The following SPAG16 variants were observed in gnomAD, a reference collection of about 807,000 sequenced individuals.
SPAG16 encodes sperm-associated antigen 16 protein.
Under a neutral mutation model 80.4 loss-of-function variants are expected in SPAG16, and 86 were observed. That is an observed-to-expected ratio of 1.07 (90% CI 0.90 to 1.28). SPAG16 has a LOEUF of 1.28. Ranked by LOEUF, SPAG16 falls within the 50% of genes most tolerant of loss-of-function variation. SPAG16 has a pLI of 0.00. For synonymous variants in SPAG16, 294 were observed against 265.9 expected (o/e 1.11, Z -1.03); for missense variants, 870 against 765.3 (o/e 1.14, Z -1.61).
At chr2:213,565,548 C>G (rs542816993) in intron 10 of SPAG16, among the ~76,000 whole-genome samples, 107 of 152,346 alleles carry the variant, frequency 7.0e-4, no homozygotes, top group Middle Eastern at 6.8e-3. Flanking sequence ...CCAGCTGAAG[C>G]TGCTTTTCCC....
rs1021285140 is a variant in SPAG16 at position 213,369,437 on chromosome 2, G to A, written c.832+5292G>A. Among the ~76,000 whole-genome samples, 9 of 152,174 alleles carry A rather than the reference G, an allele frequency of 5.9e-5. No homozygotes were observed. In the South Asian group the frequency reaches 1.9e-3, roughly 32 times the overall value. ...ATAAAGGAAAATAAATTGAGGTGTG[G>A]TGGAAATGTTTTATATCTTAATTTT... is the stretch of plus-strand genomic sequence containing the variant. On this transcript the variant is annotated intron_variant, in intron 8 of 15. Coordinates refer to ENST00000331683, the MANE Select transcript of SPAG16 (RefSeq NM_024532.5).
intron 13 of SPAG16, among the ~76,000 whole-genome samples, chr2:214,015,779 A>C (rs1323060958): frequency 6.6e-6 from 1 of 152,060 alleles, no homozygotes; most frequent in East Asian, 1.9e-4. Flanking sequence ...GAGATGTTCC[A>C]TTCAGTTGGC....
chr2:213,816,126 C>G (rs998055493), intron 10 of SPAG16, among the ~76,000 whole-genome samples: 6 of 152,162 alleles, frequency 3.9e-5, no homozygotes, highest in African/African-American at 1.4e-4. Context: ...CTCCCCATAT[C>G]AAAGGTTCCT....
rs113419989 is a variant in SPAG16 at position 213,842,001 on chromosome 2, A to T, written c.1071-20484A>T. ...TAAATGATTTTTAAATTTGTAACTA[A>T]GCATTTATGTTCATTTCCACAGTCT... On this transcript the variant is annotated intron_variant, in intron 10 of 15. Transcript: ENST00000331683. Among the ~76,000 whole-genome samples the T allele has an allele frequency of 7.7e-4, 118 of 152,286 alleles. 2 individuals are homozygous for T. The highest frequency in any genetic ancestry group is 2.7e-3 in the African/African-American group (111 of 41,588).
At chr2:214,120,433 TTTTTTAC>T (rs2054161515) in intron 14 of SPAG16, among the ~76,000 whole-genome samples, 1 of 151,868 alleles carries the variant, frequency 6.6e-6, no homozygotes, top group Non-Finnish European at 1.5e-5. Flanking sequence ...ATTAATTTCT[TTTTTTAC>T]TTTTTGATCT....
At chr2:213,856,203 C>T (rs982277338) in intron 10 of SPAG16, among the ~76,000 whole-genome samples, 4 of 152,110 alleles carry the variant, frequency 2.6e-5, no homozygotes, top group Admixed American at 6.6e-5. Flanking sequence ...AGTCATTAAA[C>T]GTTAAAATTC....
intron 10 of SPAG16, among the ~76,000 whole-genome samples, chr2:213,766,431 C>T (rs1249789662): frequency 6.6e-6 from 1 of 152,156 alleles, no homozygotes; most frequent in Non-Finnish European, 1.5e-5. Flanking sequence ...AGGTTGGGAG[C>T]TCTATGCAGT....
chr2:214,069,215 G>A (rs916350823), intron 13 of SPAG16, among the ~76,000 whole-genome samples: 3 of 152,112 alleles, frequency 2.0e-5, no homozygotes, highest in African/African-American at 2.4e-5. Flanking sequence ...TAATCATTCC[G>A]ATACGTGTAT....
chr2:213,860,902 T>A (rs1034096593), intron 10 of SPAG16, among the ~76,000 whole-genome samples: 8 of 152,324 alleles, frequency 5.3e-5, no homozygotes, highest in African/African-American at 1.9e-4. Context: ...GGATTCAGTT[T>A]GCCTTCTTGT....
chr2:214,397,450 G>A (rs7588845), intron 15 of SPAG16, among the ~76,000 whole-genome samples: 1,840 of 152,098 alleles, frequency 0.012, 37 homozygotes, highest in African/African-American at 0.042. Flanking sequence ...GAGCCCCCGC[G>A]CCCGGCCATA....
intron 15 of SPAG16, among the ~76,000 whole-genome samples, chr2:214,158,507 A>G (rs2056308842): frequency 6.6e-6 from 1 of 152,028 alleles, no homozygotes; most frequent in Non-Finnish European, 1.5e-5. Flanking sequence ...AAATTCCAAC[A>G]TTTTAATAAA....
rs144743441 is a variant in SPAG16, at chr2:213,938,708, T to G, written c.1400+8563T>G. ...AATTACTGTGGAAACAAATCAAATG[T>G]CCAAGGACATCAAATCAAAATAAAA... On this transcript the variant is annotated intron_variant, in intron 12 of 15. Transcript: ENST00000331683. Among the ~76,000 whole-genome samples, 1,113 of 152,050 alleles carry G rather than the reference T, an allele frequency of 7.3e-3. 22 individuals are homozygous for G. Among genetic ancestry groups the G allele is most frequent in the East Asian group, 0.046 (239 of 5,184 alleles).
intron 10 of SPAG16, among the ~76,000 whole-genome samples, chr2:213,693,432 C>T (rs759453221): frequency 2.5e-4 from 38 of 152,178 alleles, no homozygotes; most frequent in Non-Finnish European, 4.9e-4. Context: ...ATGTTTGCTT[C>T]GTAGACAGAA....
At chr2:214,074,076 C>G (rs2050941561) in intron 13 of SPAG16, among the ~76,000 whole-genome samples, 1 of 152,038 alleles carries the variant, frequency 6.6e-6, no homozygotes, top group Non-Finnish European at 1.5e-5. Flanking sequence ...ATATTAGTGC[C>G]CTTAAAATGG....
chr2:214,385,080 T>TTAGA lies in SPAG16; in HGVS notation c.1721-25056_1721-25053dup, dbSNP rs201616069. The stretch of plus-strand genomic sequence containing the variant: ...AGTCCTGTCATAACACTAATAGTCA[T>TTAGA]TAGATAGGAAGTGAGCATGATGTGC... On this transcript the variant is annotated intron_variant, in intron 15 of 15. Transcript: ENST00000331683. Among the ~76,000 whole-genome samples the TTAGA allele has an allele frequency of 8.2e-3, 1,255 of 152,348 alleles. 9 individuals carry two copies. Among genetic ancestry groups the TTAGA allele is most frequent in the Middle Eastern group, 0.037 (11 of 294 alleles).
At chr2:214,390,116 C>A (rs1700985536) in intron 15 of SPAG16, among the ~76,000 whole-genome samples, 1 of 152,128 alleles carries the variant, frequency 6.6e-6, no homozygotes, top group Non-Finnish European at 1.5e-5. Context: ...TACAATTTTT[C>A]TCTCCAAAAA....
chr2:213,794,690 G>A (rs2070915438), intron 10 of SPAG16, among the ~76,000 whole-genome samples: 1 of 152,074 alleles, frequency 6.6e-6, no homozygotes, highest in African/African-American at 2.4e-5. Flanking sequence ...TAGTAACTTT[G>A]TTATTTAGTA....
intron 15 of SPAG16, among the ~76,000 whole-genome samples, chr2:214,404,878 T>G (rs551587504): frequency 6.6e-6 from 1 of 152,126 alleles, no homozygotes; most frequent in South Asian, 2.1e-4. Flanking sequence ...TCGGGTACAA[T>G]TTTTAGTACA....
At chr2:214,004,020 A>T (rs2046915023) in intron 12 of SPAG16, among the ~76,000 whole-genome samples, 1 of 152,224 alleles carries the variant, frequency 6.6e-6, no homozygotes, top group Non-Finnish European at 1.5e-5. Flanking sequence ...ACACAAAGGT[A>T]GGGCTTTGCC....
Sources: allele counts gnomAD v4.1 joint callset (sites outside exome capture counted in the v4.1 genomes callset), GRCh38; gene constraint gnomAD v4.1.1; transcripts MANE v1.5; gene names NCBI Gene and HGNC (gene_info 2026-07-23, HGNC 2026-07-21).